FTO: variants seen among roughly 807,000 people sequenced by gnomAD.
The protein encoded by FTO is alpha-ketoglutarate-dependent dioxygenase FTO.
FTO carries 47 observed loss-of-function variants against 63.9 expected under a neutral mutation model. That is an observed-to-expected ratio of 0.74 (90% confidence interval 0.58 to 0.94). The LOEUF is 0.94. Ranked by LOEUF, FTO falls within the 40% of genes least tolerant of loss-of-function variation. The pLI, the probability that FTO is intolerant of heterozygous loss-of-function variation, is 0.00. For missense variants in FTO, 562 were observed against 618.1 expected (o/e 0.91, Z 0.96); for synonymous variants, 207 against 224.4 (o/e 0.92, Z 0.69).
chr16:53,915,382 CCTCCCAGCTT>C (rs1436895500), intron 7 of FTO, among the ~76,000 whole-genome samples: 9 of 152,146 alleles, frequency 5.9e-5, no homozygotes, highest in Non-Finnish European at 1.0e-4. Context: ...AATAGAGTAT[CCTCCCAGCTT>C]CTGTATGGTG....
rs1028819786 is a variant in FTO at position 53,960,717 on chromosome 16, T to TG, written c.1364+26616dup. 8.5e-3 allele frequency among the ~76,000 whole-genome samples: 1,205 copies of TG among 141,064 alleles called. 30 individuals are homozygous for TG. Among genetic ancestry groups the TG allele is most frequent in the African/African-American group, 0.029 (1,052 of 36,040 alleles). The allele number at this position is 141,064 out of a possible 152,430, so 92.5% of individuals were successfully genotyped here. On this transcript the variant is annotated intron_variant, in intron 8 of 8. Coordinates refer to ENST00000471389, the MANE Select transcript of FTO (RefSeq NM_001080432.3). ...TGGGTTCAATTACCAGAAATGGGGG[T>TG]GGGGGGGGCGCGGTTACCTGAGATA...
intron 8 of FTO, among the ~76,000 whole-genome samples, chr16:54,035,633 A>G (rs981822838): frequency 8.5e-5 from 13 of 152,144 alleles, no homozygotes; most frequent in African/African-American, 2.7e-4. Flanking sequence ...AGAACACTTA[A>G]TTGTAGATCA....
intron 8 of FTO, among the ~76,000 whole-genome samples, chr16:54,019,799 T>C (rs1342230561): frequency 1.3e-5 from 2 of 152,204 alleles, no homozygotes; most frequent in African/African-American, 4.8e-5. Flanking sequence ...CTTTCCACTT[T>C]GAATTACTCA....
At chr16:53,888,046 T>C (rs2081046925) in intron 6 of FTO, 1 of 152,122 alleles carries the variant, frequency 6.6e-6, no homozygotes, top group Admixed American at 6.6e-5. Context: ...TTTATGCCTT[T>C]CCCATCAAAC....
At chr16:53,893,122 A>G (rs1036085377) in intron 7 of FTO, among the ~76,000 whole-genome samples, 20 of 152,304 alleles carry the variant, frequency 1.3e-4, no homozygotes, top group Non-Finnish European at 2.5e-4. Flanking sequence ...CTGATAAAAT[A>G]TCACATTTTC....
At chr16:53,759,684 A>G (rs1230828402) in intron 1 of FTO, among the ~76,000 whole-genome samples, 2 of 107,268 alleles carry the variant, frequency 1.9e-5, no homozygotes, top group African/African-American at 9.3e-5. Context: ...ACCGAAAAAG[A>G]CTCCTTCTCA....
chr16:53,777,139 T>A (rs1272983307), intron 1 of FTO, among the ~76,000 whole-genome samples: 1 of 152,170 alleles, frequency 6.6e-6, no homozygotes, highest in African/African-American at 2.4e-5. Context: ...CAGCATGCTG[T>A]GCAACAGATC....
chr16:53,958,202 G>A (rs552356297), intron 8 of FTO, among the ~76,000 whole-genome samples: 4 of 152,166 alleles, frequency 2.6e-5, no homozygotes, highest in Non-Finnish European at 4.4e-5. Context: ...AGAGATCAGT[G>A]AATCGGCCCA....
chr16:54,074,853 G>A (rs1482791899), intron 8 of FTO, among the ~76,000 whole-genome samples: 3 of 151,924 alleles, frequency 2.0e-5, no homozygotes, highest in African/African-American at 7.3e-5. Context: ...TAGCCAGTGA[G>A]CATACCTGTT....
chr16:53,905,039 C>T (rs1202020170), intron 7 of FTO, among the ~76,000 whole-genome samples: 1 of 152,058 alleles, frequency 6.6e-6, no homozygotes, highest in African/African-American at 2.4e-5. Context: ...AAAGAGATCT[C>T]AGCAGGGGAG....
intron 1 of FTO, among the ~76,000 whole-genome samples, chr16:53,718,713 A>G (rs1317275279): frequency 6.6e-6 from 1 of 152,128 alleles, no homozygotes; most frequent in Non-Finnish European, 1.5e-5. Context: ...TTTTTTGGAC[A>G]TCTCTTTAGA....
At position 53,900,987 on chromosome 16, in the gene FTO, C is replaced by T. The variant is rs941935832; in HGVS notation, c.1239+12036C>T. On this transcript the variant is annotated intron_variant, in intron 7 of 8. Transcript: ENST00000471389. ...GTATGGCACTTTCACCCCTTAATGA[C>T]TGGCTTCCTATCAAAGTCATGGGAA... is the stretch of plus-strand genomic sequence containing the variant. 3.3e-5 allele frequency among the ~76,000 whole-genome samples: 5 copies of T among 152,288 alleles called. No individual in the cohort carries two copies. The East Asian group carries it at 9.7e-4, about 29-fold the overall frequency.
intron 8 of FTO, among the ~76,000 whole-genome samples, chr16:53,950,162 A>AAAAAAAAAAAC (rs1567466178): frequency 8.0e-6 from 1 of 124,736 alleles, no homozygotes; most frequent in African/African-American, 3.0e-5. Context: ...TTGTAAAAAA[A>AAAAAAAAAAAC]AAAAAAAAAA....
chr16:54,068,307 A>C (rs114552087), intron 8 of FTO, among the ~76,000 whole-genome samples: 382 of 151,706 alleles, frequency 2.5e-3, no homozygotes, highest in African/African-American at 8.9e-3. Context: ...TCCAGATCTC[A>C]AGATTTGAAA....
At chr16:54,082,020 CA>C (rs2086159594) in intron 8 of FTO, among the ~76,000 whole-genome samples, 1 of 152,182 alleles carries the variant, frequency 6.6e-6, no homozygotes, top group Admixed American at 6.5e-5. Context: ...CCCCGTCAGA[CA>C]GGGGGCAATA....
At chr16:53,749,629 C>G (rs780509529) in intron 1 of FTO, among the ~76,000 whole-genome samples, 1 of 151,774 alleles carries the variant, frequency 6.6e-6, no homozygotes. Context: ...TTAGTAGAGA[C>G]GGGGTTTCAC....
At chr16:53,921,516 T>C (rs562141395) in intron 7 of FTO, among the ~76,000 whole-genome samples, 1 of 152,328 alleles carries the variant, frequency 6.6e-6, no homozygotes, top group South Asian at 2.1e-4. Flanking sequence ...GCAGTGGAAT[T>C]CTTAGAAGTA....
chr16:53,989,896 T>A (rs1423577074), intron 8 of FTO, among the ~76,000 whole-genome samples: 1 of 151,890 alleles, frequency 6.6e-6, no homozygotes, highest in African/African-American at 2.4e-5. Context: ...ATGAAGACCT[T>A]TAAGATGATC....
intron 8 of FTO, among the ~76,000 whole-genome samples, chr16:54,027,842 ATT>A (rs2144192813): frequency 6.6e-6 from 1 of 152,200 alleles, no homozygotes; most frequent in East Asian, 1.9e-4. Flanking sequence ...TTCTCACTGT[ATT>A]TCTCTCCCTA....
Sources: allele counts gnomAD v4.1 joint callset (sites outside exome capture counted in the v4.1 genomes callset), GRCh38; gene constraint gnomAD v4.1.1; transcripts MANE v1.5; gene names NCBI Gene and HGNC (gene_info 2026-07-23, HGNC 2026-07-21).